KAT14: variants seen among roughly 807,000 people sequenced by gnomAD.
KAT14 encodes cysteine-rich protein 2-binding protein.
A neutral mutation model predicts 78.4 loss-of-function variants in KAT14; 66 were observed. The ratio of observed to expected loss-of-function variants is 0.84; its 90% CI spans 0.69 to 1.03. KAT14 has a LOEUF of 1.03. KAT14 is among the 50% of genes least tolerant of loss of function. The pLI is 0.00. For missense variants in KAT14, 870 were observed against 972.5 expected (o/e 0.89, Z 1.40); for synonymous variants, 344 against 359.4 (o/e 0.96, Z 0.48).
chr20:18,143,010 C>A (rs1480132417), intron 2 of KAT14, 91 bp downstream of exon 2: 4 of 1,498,854 alleles, frequency 2.7e-6, no homozygotes, highest in Middle Eastern at 1.8e-4. Flanking sequence ...GTAAAAGAGA[C>A]CTAAATAAAA....
chr20:18,163,093 A>G (rs1198330153), intron 7 of KAT14, 148 bp downstream of exon 7: 2 of 1,075,072 alleles, frequency 1.9e-6, no homozygotes, highest in Non-Finnish European at 2.6e-6. Context: ...AAAAAAATAC[A>G]AAAATCGCTG....
rs976424424 is a variant in KAT14 at position 18,183,471 on chromosome 20, A to G, written c.1981+173A>G. 28 of 976,706 alleles carry G rather than the reference A, an allele frequency of 2.9e-5. No homozygotes were observed. In the African/African-American group the frequency reaches 4.7e-4, roughly 17 times the overall value. The allele number at this position is 976,706 out of a possible 1,614,324, so 60.5% of individuals were successfully genotyped here. On this transcript the variant is annotated intron_variant, in intron 9 of 10. Transcript: ENST00000688188. ...AATACCTCTTGCTTTCCCAAAATCT[A>G]GAAGAAGCCAGCAATAAACAGTGTT...
chr20:18,167,202 C>G (rs2038671423), intron 7 of KAT14, among the ~76,000 whole-genome samples: 1 of 152,188 alleles, frequency 6.6e-6, no homozygotes, highest in Admixed American at 6.5e-5. Context: ...GTCCCAGTTC[C>G]AGAGGAATCT....
chr20:18,158,041 A>C (rs993856194), intron 4 of KAT14, among the ~76,000 whole-genome samples: 3 of 152,004 alleles, frequency 2.0e-5, no homozygotes, highest in Non-Finnish European at 4.4e-5. Context: ...GGGTTCAAAG[A>C]TTCTCCTGCC....
At chr20:18,156,964 T>G (rs1241355924) in intron 4 of KAT14, among the ~76,000 whole-genome samples, 1 of 152,242 alleles carries the variant, frequency 6.6e-6, no homozygotes, top group African/African-American at 2.4e-5. Flanking sequence ...TTATGTTATT[T>G]CCAGTTTTTC....
intron 4 of KAT14, among the ~76,000 whole-genome samples, chr20:18,156,537 T>A (rs767170038): frequency 2.4e-4 from 37 of 152,214 alleles, no homozygotes; most frequent in Admixed American, 6.5e-5. Context: ...GCTGGCTATA[T>A]TAGTTTGCTA....
In KAT14 at chr20:18,162,003, C is replaced by T; in HGVS notation, c.863C>T (p.Thr288Ile). 1 of 1,614,220 alleles carries T rather than the reference C, an allele frequency of 6.2e-7. No homozygotes were observed. Among genetic ancestry groups the T allele is most frequent in the Non-Finnish European group, 8.5e-7 (1 of 1,180,052 alleles). ...AGFLDRSTSS[T>I]PVKFISRGRR... ...TTTCTTGACAGGAGCACATCTTCTA[C>T]CCCTGTAAAATTCATAAGCCGAGGC... Residue 288 changes from threonine (T) to isoleucine (I), a missense_variant, in exon 6 of 11, where the codon ACC becomes ATC. By Grantham distance (89) the Thr-to-Ile change is moderately conservative. Coordinates refer to ENST00000688188, the MANE Select transcript of KAT14 (RefSeq NM_001392073.1).
rs742918 is a variant in KAT14, at chr20:18,168,469, A to G, written c.1668+5524A>G. ...CTTGAACCAGAGAGGCAGAGGTTAC[A>G]GTGAGCTGAGATCATGCCACTGCAC... On this transcript the variant is annotated intron_variant, in intron 7 of 10. Transcript: ENST00000688188. Among the ~76,000 whole-genome samples the G allele has an allele frequency of 4.3e-3, 660 of 152,256 alleles. 7 individuals are homozygous for G. Among genetic ancestry groups the G allele is most frequent in the African/African-American group, 0.015 (620 of 41,538 alleles).
At chr20:18,148,613 G>GT (rs539926110) in intron 3 of KAT14, among the ~76,000 whole-genome samples, 2,359 of 140,888 alleles carry the variant, frequency 0.017, 40 homozygotes, top group African/African-American at 0.038. Context: ...ATTTTTTTTT[G>GT]TTTTTTTTTT....
intron 1 of KAT14, among the ~76,000 whole-genome samples, chr20:18,140,964 C>A (rs1400153985): frequency 6.7e-6 from 1 of 148,340 alleles, no homozygotes; most frequent in African/African-American, 2.5e-5. Context: ...CTGAGGTGAT[C>A]CTATCACCTC....
chr20:18,186,944 G>T (rs1005127296), intron 10 of KAT14, among the ~76,000 whole-genome samples: 2 of 152,054 alleles, frequency 1.3e-5, no homozygotes, highest in Non-Finnish European at 2.9e-5. Context: ...TTTATTCAAG[G>T]TTATCATAGT....
chr20:18,153,397 A>T (rs1230279485), intron 4 of KAT14, among the ~76,000 whole-genome samples: 1 of 152,210 alleles, frequency 6.6e-6, no homozygotes, highest in Non-Finnish European at 1.5e-5. Context: ...GTTTAGTTTA[A>T]TGATTTAGCA....
At position 18,137,975 on chromosome 20, in the gene KAT14, T is replaced by C; in HGVS notation, c.-530T>C. ...GTGGGGATGTCTAGGAGCTCGAAGG[T>C]GGTGCTGGGCCTCTCGGTGCTGCTG... On this transcript the variant is annotated 5_prime_UTR_variant, in exon 1 of 11. Coordinates refer to ENST00000688188, the MANE Select transcript of KAT14 (RefSeq NM_001392073.1). The C allele has an allele frequency of 6.7e-7, 1 of 1,500,246 alleles. No homozygotes were observed. Among genetic ancestry groups the C allele is most frequent in the African/African-American group, 1.4e-5 (1 of 69,044 alleles). 92.9% of individuals were successfully genotyped at this position (1,500,246 alleles called of 1,614,324 possible). A position where few individuals can be genotyped will look rare whatever the true frequency, so the allele number is the denominator to read the frequency against.
At position 18,181,772 on chromosome 20, in the gene KAT14, A is replaced by G. The variant is rs770309321; in HGVS notation, c.1731A>G (p.Val577=). The G allele has an allele frequency of 6.2e-7, 1 of 1,614,218 alleles. No individual in the cohort carries two copies. The highest frequency in any genetic ancestry group is 2.2e-5 in the East Asian group (1 of 44,880). ...HQTTKFLYRL[V]GSEDMAVDQS... is the part of the protein sequence containing the mutation. ...CCACCAAGTTTTTGTATCGCTTGGT[A>G]GGATCAGAAGATATGGCTGTGGACC... is the stretch of plus-strand genomic sequence containing the variant. Residue 577 remains valine, a synonymous_variant, in exon 8 of 11, where the codon GTA becomes GTG. Coordinates refer to ENST00000688188, the MANE Select transcript of KAT14 (RefSeq NM_001392073.1).
In KAT14 at chr20:18,139,867, TATC is replaced by T. The variant is rs533067773; in HGVS notation, c.-454+1820_-454+1822del. On this transcript the variant is annotated intron_variant, in intron 1 of 10. Coordinates refer to ENST00000688188, the MANE Select transcript of KAT14 (RefSeq NM_001392073.1). ...GGCAGTGTATTAAGCACTTTATGTA[TATC>T]ATCTGTAATCCTCACAGTAACCTAG... 1.8e-3 allele frequency among the ~76,000 whole-genome samples: 269 copies of T among 152,300 alleles called. 3 individuals are homozygous for T. Among genetic ancestry groups the T allele is most frequent in the African/African-American group, 6.0e-3 (250 of 41,546 alleles).
chr20:18,155,914 G>A (rs2038208806), intron 4 of KAT14, among the ~76,000 whole-genome samples: 1 of 152,172 alleles, frequency 6.6e-6, no homozygotes, highest in East Asian at 1.9e-4. Flanking sequence ...ACTGAAAGCA[G>A]GGTCTCAGAG....
intron 1 of KAT14, among the ~76,000 whole-genome samples, chr20:18,140,012 C>T (rs1456001203): frequency 6.6e-6 from 1 of 152,064 alleles, no homozygotes; most frequent in Non-Finnish European, 1.5e-5. Flanking sequence ...CAGTGAGGGT[C>T]ACAGGAAGGA....
At chr20:18,147,018 A>G (rs2037853797) in intron 3 of KAT14, among the ~76,000 whole-genome samples, 1 of 152,190 alleles carries the variant, frequency 6.6e-6, no homozygotes, top group Non-Finnish European at 1.5e-5. Context: ...TAATTTTGAT[A>G]ATAAACAGAT....
intron 4 of KAT14, among the ~76,000 whole-genome samples, chr20:18,155,502 A>G (rs1047775569): frequency 6.6e-6 from 1 of 152,108 alleles, no homozygotes; most frequent in African/African-American, 2.4e-5. Flanking sequence ...CTGATCACTG[A>G]TTGCTGCTTC....
Sources: gnomAD v4.1 joint callset for allele counts (sites outside exome capture counted in the v4.1 genomes callset) on GRCh38, gnomAD v4.1.1 for gene constraint, MANE v1.5 for transcripts, NCBI Gene and HGNC (gene_info 2026-07-23, HGNC 2026-07-21) for gene names.